The following AFDN variants were observed in gnomAD, a reference collection of about 807,000 sequenced individuals.
AFDN encodes the protein afadin, adherens junction formation factor.
A neutral mutation model predicts 216.6 loss-of-function variants in AFDN; 68 were observed. The observed-to-expected ratio is 0.31, with a 90% CI of 0.26 to 0.38. The LOEUF is 0.38. Among genes scored for constraint, AFDN ranks in the 10% least tolerant of loss-of-function variants. The pLI is 1.00. For synonymous variants in AFDN, 868 were observed against 853.7 expected, an observed-to-expected ratio of 1.02 and a Z score of -0.29; for missense variants, 2,136 against 2,342.0, an observed-to-expected ratio of 0.91 and a Z score of 1.82.
chr6:167,873,942 G>C (rs1785056761), intron 4 of AFDN, among the ~76,000 whole-genome samples: 1 of 152,136 alleles, frequency 6.6e-6, no homozygotes, highest in Admixed American at 6.6e-5. Flanking sequence ...CATCAAAAGG[G>C]GGTTTAGATA....
Position 167,956,725 on chromosome 6 carries a change from G to T in AFDN, c.4833+4538G>T, listed in dbSNP as rs1031311557. ...TCAGCTGATGCTTCGAGTTGCTCAG[G>T]CAAGAAACCTCACAGTCATGCATGA... On this transcript the variant is annotated intron_variant, in intron 30 of 33. Transcript: ENST00000683244. 3.9e-5 allele frequency among the ~76,000 whole-genome samples: 6 copies of T among 152,230 alleles called. No homozygotes were observed. In the South Asian group the frequency reaches 1.2e-3, roughly 32 times the overall value.
rs372603952 is a variant in AFDN at position 167,858,796 on chromosome 6, C to CTG, written c.106-5749_106-5748dup. On this transcript the variant is annotated intron_variant, in intron 1 of 33. Coordinates refer to ENST00000683244, the MANE Select transcript of AFDN (RefSeq NM_001386888.1). The stretch of plus-strand genomic sequence containing the variant: ...TTGCCGGCAACAGAATAATAGTGCC[C>CTG]TGTGTGTAAGTCCATACTTTACTGT... Among the ~76,000 whole-genome samples, 118 of 152,254 alleles carry CTG rather than the reference C, an allele frequency of 7.8e-4. No individual in the cohort carries two copies. In the Middle Eastern group the frequency reaches 0.01, roughly 13 times the overall value.
At position 167,951,576 on chromosome 6, in the gene AFDN, TCTGCGCAGGTGG is replaced by T; in HGVS notation, c.4227_4238del (p.Gln1410_Ala1413del). 8.7e-6 allele frequency: 14 copies of T among 1,613,882 alleles called. No homozygotes were observed. Among genetic ancestry groups the T allele is most frequent in the Non-Finnish European group, 1.1e-5 (13 of 1,179,966 alleles). On this transcript the variant is annotated inframe_deletion, in exon 30 of 34. Coordinates refer to ENST00000683244, the MANE Select transcript of AFDN (RefSeq NM_001386888.1). The surrounding 1 kb of genome is among the most constrained non-coding windows in gnomAD (Gnocchi z 7.1). ...TTCCGCCAACCAGATAGGGCTGCCGTCTGCGCAGGTGGCTGCTGCTGAACGGAGAAAGAGAGA... is the reference window on the plus strand; with the variant it reads ...TTCCGCCAACCAGATAGGGCTGCCGTCTGCTGCTGAACGGAGAAAGAGAGA...
At chr6:167,924,361 C>T (rs561768880) in intron 22 of AFDN, among the ~76,000 whole-genome samples, 4 of 152,236 alleles carry the variant, frequency 2.6e-5, no homozygotes, top group Admixed American at 6.5e-5. Context: ...AGTAATTTTG[C>T]TTTCTCATTC....
intron 1 of AFDN, among the ~76,000 whole-genome samples, chr6:167,858,810 A>G (rs1032882002): frequency 2.6e-5 from 4 of 152,322 alleles, no homozygotes; most frequent in Middle Eastern, 3.4e-3. Flanking sequence ...GTGTAAGTCC[A>G]TACTTTACTG....
At chr6:167,948,589 TC>T (rs563162592) in intron 29 of AFDN, 111 bp downstream of exon 29, 136 of 1,045,498 alleles carry the variant, frequency 1.3e-4, no homozygotes, top group Non-Finnish European at 1.7e-4. Context: ...CTTTTGTTTT[TC>T]CTTTAATGGT....
In AFDN at chr6:167,969,990, T is replaced by G; in HGVS notation, c.*55T>G. 1 of 1,460,480 alleles carries G rather than the reference T, an allele frequency of 6.8e-7. No homozygotes were observed. The highest frequency in any genetic ancestry group is 9.2e-7 in the Non-Finnish European group (1 of 1,082,328). The allele number at this position is 1,460,480 out of a possible 1,614,324, so 90.5% of individuals were successfully genotyped here. On this transcript the variant is annotated 3_prime_UTR_variant, in exon 34 of 34. Transcript: ENST00000683244. ...CCCCAAAATCTTTTCAGTTGTGGGT[T>G]TGTAGGTGCGAGTTTGAAGAGGAAA...
At position 167,911,129 on chromosome 6, in the gene AFDN, A is replaced by T. The variant is rs1274423746; in HGVS notation, c.1798A>T (p.Ile600Leu). The change falls in exon 14 of 34, where the codon ATA becomes TTA. Residue 600 changes from isoleucine (I) to leucine (L), a missense_variant. By Grantham distance (5) the Ile-to-Leu change is conservative. Transcript: ENST00000683244. ...ACAGGATGCTTCTGGGCCTGAGCTGATACTACCTGCAAGCATTGAATTCAG... is the reference window on the plus strand; with the variant it reads ...ACAGGATGCTTCTGGGCCTGAGCTGTTACTACCTGCAAGCATTGAATTCAG... ...RTQDASGPEL[I>L]LPASIEFRES... The T allele has an allele frequency of 1.9e-6, 3 of 1,613,964 alleles. No individual in the cohort carries two copies. The highest frequency in any genetic ancestry group is 3.3e-5 in the Admixed American group (2 of 59,992).
chr6:167,896,677 G>A (rs1190437463), intron 9 of AFDN, among the ~76,000 whole-genome samples: 1 of 152,196 alleles, frequency 6.6e-6, no homozygotes, highest in Non-Finnish European at 1.5e-5. Flanking sequence ...GTGTTAATCA[G>A]AAACTGATAC....
chr6:167,914,813 G>A (rs1448931739), intron 18 of AFDN, 75 bp downstream of exon 18: 3 of 993,206 alleles, frequency 3.0e-6, no homozygotes, highest in Non-Finnish European at 4.6e-6. Flanking sequence ...CTTAGCGTAG[G>A]TAAGTGGAGG....
intron 1 of AFDN, 142 bp from the exon 2 acceptor site, chr6:167,864,409 C>T (rs762252782): frequency 1.2e-6 from 1 of 842,264 alleles, no homozygotes; most frequent in South Asian, 1.3e-5. Flanking sequence ...AGACTAAAAA[C>T]CCATCTCTCT....
intron 23 of AFDN, among the ~76,000 whole-genome samples, chr6:167,933,439 A>G (rs1793579157): frequency 6.6e-6 from 1 of 152,246 alleles, no homozygotes; most frequent in Non-Finnish European, 1.5e-5. Flanking sequence ...AGTCCTTTGA[A>G]GACTTTGAGA....
intron 1 of AFDN, among the ~76,000 whole-genome samples, chr6:167,855,813 A>G (rs1037358022): frequency 2.0e-5 from 3 of 152,124 alleles, no homozygotes; most frequent in Non-Finnish European, 4.4e-5. Flanking sequence ...TTTTAGGGTA[A>G]AATTCTGCTT....
At chr6:167,886,095 G>GT (rs535098994) in intron 6 of AFDN, among the ~76,000 whole-genome samples, 17 of 149,622 alleles carry the variant, frequency 1.1e-4, no homozygotes, top group Non-Finnish European at 1.3e-4. Flanking sequence ...TCTCACAGTA[G>GT]TTTTTTTTTT....
At chr6:167,929,242 TA>T (rs35368105) in intron 23 of AFDN, among the ~76,000 whole-genome samples, 7,736 of 146,528 alleles carry the variant, frequency 0.053, 235 homozygotes, top group African/African-American at 0.077. Flanking sequence ...TCTCCAGCAT[TA>T]AAAAAAAAAA....
At chr6:167,948,122 TTAA>T (rs1795542638) in intron 28 of AFDN, 168 bp from the exon 29 acceptor site, 3 of 783,920 alleles carry the variant, frequency 3.8e-6, no homozygotes, top group Admixed American at 6.1e-5. Context: ...CAGTTTTAAA[TTAA>T]TAAGTCTGGG....
rs1392239431 is a variant in AFDN at position 167,966,287 on chromosome 6, G to T, written c.5257+242G>T. On this transcript the variant is annotated intron_variant, in intron 32 of 33. Coordinates refer to ENST00000683244, the MANE Select transcript of AFDN (RefSeq NM_001386888.1). ...ACTGCAAAGGTAGAGGTAAAAGAGTGACAAATCAGCTCTCTTTGTCTTAAT... is the reference window on the plus strand; with the variant it reads ...ACTGCAAAGGTAGAGGTAAAAGAGTTACAAATCAGCTCTCTTTGTCTTAAT... The T allele has an allele frequency of 3.4e-6, 5 of 1,491,778 alleles. No homozygotes were observed. The East Asian group carries it at 1.1e-4, about 32-fold the overall frequency. The allele number at this position is 1,491,778 out of a possible 1,614,324, so 92.4% of individuals were successfully genotyped here. A position where few individuals can be genotyped will look rare whatever the true frequency, so the allele number is the denominator to read the frequency against.
chr6:167,888,975 C>T (rs1223922637), intron 6 of AFDN, among the ~76,000 whole-genome samples: 3 of 152,032 alleles, frequency 2.0e-5, no homozygotes, highest in Admixed American at 6.5e-5. Flanking sequence ...AATATTTAGT[C>T]TACCTCTTTT....
intron 27 of AFDN, 108 bp downstream of exon 27, chr6:167,947,009 T>C (rs774226218): frequency 5.0e-5 from 48 of 968,838 alleles, no homozygotes; most frequent in Admixed American, 8.5e-5. Flanking sequence ...CTGCAAACAT[T>C]GGCTAACTAG....
Sources: allele counts gnomAD v4.1 joint callset (sites outside exome capture counted in the v4.1 genomes callset), GRCh38; gene constraint gnomAD v4.1.1; non-coding constraint Gnocchi (gnomAD v3.1); transcripts MANE v1.5; gene names NCBI Gene and HGNC (gene_info 2026-07-23, HGNC 2026-07-21).